Variants in ELAPOR2 observed in about 807,000 individuals in gnomAD.
ELAPOR2 encodes endosome-lysosome associated apoptosis and autophagy regulator family member 2.
In ELAPOR2, 89 loss-of-function variants were observed where a neutral mutation model predicts 120.7. That is an observed-to-expected ratio of 0.74 (90% confidence interval 0.62 to 0.88). The LOEUF is 0.88. Among genes scored for constraint, ELAPOR2 ranks in the 40% least tolerant of loss-of-function variants. The pLI is 0.00. For synonymous variants in ELAPOR2, 444 were observed against 444.9 expected (o/e 1.00, Z 0.03); for missense variants, 1,134 against 1,251.6 (o/e 0.91, Z 1.42).
intron 1 of ELAPOR2, among the ~76,000 whole-genome samples, chr7:87,034,259 G>A (rs907894199): frequency 2.0e-5 from 3 of 151,944 alleles, no homozygotes; most frequent in East Asian, 1.9e-4. Context: ...GAGAAGATGC[G>A]GCGGTTCAAG....
At chr7:86,882,104 A>G (rs547787758) in intron 21 of ELAPOR2, among the ~76,000 whole-genome samples, 9 of 152,318 alleles carry the variant, frequency 5.9e-5, no homozygotes, top group African/African-American at 2.2e-4. Context: ...AGATCTTCTC[A>G]GTGCTCCTGC....
chr7:86,886,470 C>T (rs1799694119), intron 21 of ELAPOR2, among the ~76,000 whole-genome samples: 1 of 152,026 alleles, frequency 6.6e-6, no homozygotes, highest in Admixed American at 6.6e-5. Context: ...CAATTGGAGA[C>T]TCTGGCAAGA....
At chr7:87,016,560 A>T (rs2116684383) in intron 1 of ELAPOR2, among the ~76,000 whole-genome samples, 1 of 151,776 alleles carries the variant, frequency 6.6e-6, no homozygotes, top group South Asian at 2.1e-4. Flanking sequence ...ATGCCCCAAA[A>T]ATTTACAGGT....
intron 5 of ELAPOR2, among the ~76,000 whole-genome samples, chr7:86,941,585 A>G (rs1790797999): frequency 6.6e-6 from 1 of 152,074 alleles, no homozygotes; most frequent in African/African-American, 2.4e-5. Context: ...GCGCAGAGAA[A>G]GATAAAAGGA....
In ELAPOR2 at chr7:86,914,702, A is replaced by T. The variant is rs566264690; in HGVS notation, c.1731+21T>A. On this transcript the variant is annotated intron_variant, in intron 13 of 21. Coordinates refer to ENST00000450689, the MANE Select transcript of ELAPOR2 (RefSeq NM_001142749.3). The stretch of plus-strand genomic sequence containing the variant: ...ATCATTAGTGTGTTTAAAATTTTAA[A>T]AAAAAGTGCTTGGAACTTACATCTT... The T allele has an allele frequency of 1.5e-5, 24 of 1,588,666 alleles. No individual in the cohort carries two copies. The African/African-American group carries it at 3.0e-4, about 20-fold the overall frequency.
intron 1 of ELAPOR2, among the ~76,000 whole-genome samples, chr7:86,987,256 T>C (rs1255575383): frequency 6.6e-6 from 1 of 152,122 alleles, no homozygotes; most frequent in African/African-American, 2.4e-5. Flanking sequence ...GAAGAAAACC[T>C]AGGCAATACC....
chr7:86,941,919 C>A (rs2373361), intron 5 of ELAPOR2, 99 bp downstream of exon 5: 85,865 of 637,650 alleles, frequency 0.13, 8,142 homozygotes, highest in African/African-American at 0.4. Flanking sequence ...TTTCTTAAAA[C>A]GTTATGAAAG....
chr7:86,898,932 T>A (rs1788579079), intron 18 of ELAPOR2, among the ~76,000 whole-genome samples: 1 of 152,126 alleles, frequency 6.6e-6, no homozygotes. Flanking sequence ...ATCACAAAAT[T>A]GTCTGAAGTG....
At chr7:86,894,466 G>T (rs2115865503) in intron 19 of ELAPOR2, among the ~76,000 whole-genome samples, 1 of 151,956 alleles carries the variant, frequency 6.6e-6, no homozygotes, top group East Asian at 1.9e-4. Flanking sequence ...CTTTGATATG[G>T]TTTTATCAAA....
intron 5 of ELAPOR2, chr7:86,941,451 T>G (rs1790791664): frequency 2.0e-6 from 1 of 506,050 alleles, no homozygotes; most frequent in Non-Finnish European, 4.2e-6. Context: ...AACCAATGTG[T>G]GGCAAATAGG....
intron 1 of ELAPOR2, among the ~76,000 whole-genome samples, chr7:86,996,446 C>T (rs1336395679): frequency 6.6e-6 from 1 of 152,056 alleles, no homozygotes; most frequent in African/African-American, 2.4e-5. Flanking sequence ...ATTTGAGGAA[C>T]AAAATGGCAG....
Position 86,947,954 on chromosome 7 carries a change from T to A in ELAPOR2, c.311-32A>T, listed in dbSNP as rs959070135. 2.8e-6 allele frequency: 4 copies of A among 1,448,486 alleles called. No individual in the cohort carries two copies. The African/African-American group carries it at 5.7e-5, about 20-fold the overall frequency. The allele number at this position is 1,448,486 out of a possible 1,614,324, so 89.7% of individuals were successfully genotyped here. On this transcript the variant is annotated intron_variant, in intron 2 of 21. Transcript: ENST00000450689. ...GGCAGAAGAATGGACAACCCATTAC[T>A]TACCCTCCCATCAATTTCCTCCCCT...
chr7:86,926,657 A>G, intron 9 of ELAPOR2, 79 bp downstream of exon 9: 1 of 1,349,092 alleles, frequency 7.4e-7, no homozygotes, highest in African/African-American at 1.5e-5. Flanking sequence ...TTCCATAAAA[A>G]CAATTTAGAA....
intron 1 of ELAPOR2, among the ~76,000 whole-genome samples, chr7:86,978,325 G>A (rs920264828): frequency 2.6e-5 from 4 of 152,148 alleles, no homozygotes; most frequent in Non-Finnish European, 5.9e-5. Context: ...CCCAGTCTCA[G>A]ATATTTCTTC....
chr7:86,988,597 T>C (rs945974665), intron 1 of ELAPOR2, among the ~76,000 whole-genome samples: 2 of 152,172 alleles, frequency 1.3e-5, no homozygotes, highest in African/African-American at 4.8e-5. Flanking sequence ...CCCCTACAGA[T>C]ACTGAGAAAC....
chr7:86,947,188 T>C (rs1320345689), intron 3 of ELAPOR2, among the ~76,000 whole-genome samples: 2 of 152,208 alleles, frequency 1.3e-5, no homozygotes, highest in Middle Eastern at 3.2e-3. Flanking sequence ...GGAAGGGATA[T>C]AGCTCAAAGA....
chr7:86,981,634 C>A (rs1301892698), intron 1 of ELAPOR2, among the ~76,000 whole-genome samples: 1 of 152,222 alleles, frequency 6.6e-6, no homozygotes, highest in Non-Finnish European at 1.5e-5. Flanking sequence ...CATGTGCAAG[C>A]CTCAACTCAG....
At chr7:86,990,115 C>T (rs556874696) in intron 1 of ELAPOR2, among the ~76,000 whole-genome samples, 15 of 152,016 alleles carry the variant, frequency 9.9e-5, no homozygotes, top group East Asian at 5.8e-4. Flanking sequence ...GGTGCCATCT[C>T]GGCTCACTGC....
chr7:87,024,325 G>A (rs1326556661), intron 1 of ELAPOR2, among the ~76,000 whole-genome samples: 2 of 152,162 alleles, frequency 1.3e-5, no homozygotes, highest in South Asian at 2.1e-4. Context: ...AGATAGTCAT[G>A]TGGTTTTCGT....
Sources: allele counts gnomAD v4.1 joint callset (sites outside exome capture counted in the v4.1 genomes callset), GRCh38; gene constraint gnomAD v4.1.1; transcripts MANE v1.5; gene names NCBI Gene and HGNC (gene_info 2026-07-23, HGNC 2026-07-21).